Variants in RMND1 observed in about 807,000 individuals in gnomAD.
The protein encoded by RMND1 is required for meiotic nuclear division 1 homolog.
A neutral mutation model predicts 54.0 loss-of-function variants in RMND1; 41 were observed. That is an observed-to-expected ratio of 0.76 (90% CI 0.59 to 0.98). RMND1 has a LOEUF of 0.98. Among genes scored for constraint, RMND1 ranks in the 50% least tolerant of loss-of-function variants. RMND1 has a pLI of 0.00. For missense variants in RMND1, 457 were observed against 532.0 expected (o/e 0.86, Z 1.39); for synonymous variants, 183 against 181.7 (o/e 1.01, Z -0.06).
intron 10 of RMND1, among the ~76,000 whole-genome samples, chr6:151,410,448 T>C (rs1441111821): frequency 6.6e-6 from 1 of 152,168 alleles, no homozygotes; most frequent in Non-Finnish European, 1.5e-5. Flanking sequence ...GCCAGCACTA[T>C]GCTGAGCCTA....
In RMND1 at chr6:151,422,565, A is replaced by G. The variant is rs2114937296; in HGVS notation, c.978T>C (p.Ile326=). ...CCTCAGGAATTGACTGAATAGATTC[A>G]ATAAATTTATCCAGTGATGCTTCCC... ...AIWEASLDKF[I]ESIQSIPEAL... is the part of the protein sequence containing the mutation. Residue 326 remains isoleucine, a synonymous_variant, in exon 8 of 12, where the codon ATT becomes ATC. Transcript: ENST00000444024. 1.3e-6 allele frequency: 2 copies of G among 1,541,400 alleles called. No individual in the cohort carries two copies. The highest frequency in any genetic ancestry group is 2.3e-5 in the East Asian group (1 of 43,220).
chr6:151,444,552 A>C (rs954712210), intron 2 of RMND1: 1 of 152,208 alleles, frequency 6.6e-6, no homozygotes, highest in African/African-American at 2.4e-5. Flanking sequence ...TCAAGACTTG[A>C]AGACAGACAT....
chr6:151,428,812 G>GGA (rs1780376128), intron 5 of RMND1, among the ~76,000 whole-genome samples: 1 of 152,066 alleles, frequency 6.6e-6, no homozygotes, highest in Non-Finnish European at 1.5e-5. Context: ...ACGATTACAG[G>GGA]TATGAGTTAC....
rs188919776 is a variant in RMND1 at position 151,435,589 on chromosome 6, T to A, written c.613+857A>T. ...CTAATCGTTTTATTATTATTATTAT[T>A]TGTATTTTTAGTAGAGACAGGGGTT... On this transcript the variant is annotated intron_variant, in intron 3 of 11. Transcript: ENST00000444024. Among the ~76,000 whole-genome samples the A allele has an allele frequency of 2.7e-3, 410 of 151,760 alleles. 2 individuals are homozygous for A. The highest frequency in any genetic ancestry group is 9.4e-3 in the African/African-American group (389 of 41,444).
In RMND1 at chr6:151,405,129, G is replaced by A. The variant is rs1562778965; in HGVS notation, c.*106C>T. The A allele has an allele frequency of 6.1e-6, 6 of 983,258 alleles. No homozygotes were observed. The highest frequency in any genetic ancestry group is 9.5e-6 in the Non-Finnish European group (6 of 631,402). The allele number at this position is 983,258 out of a possible 1,614,324, so 60.9% of individuals were successfully genotyped here. A position where few individuals can be genotyped will look rare whatever the true frequency, so the allele number is the denominator to read the frequency against. On this transcript the variant is annotated 3_prime_UTR_variant, in exon 12 of 12. Coordinates refer to ENST00000444024, the MANE Select transcript of RMND1 (RefSeq NM_017909.4). ...TCTCAAGCCACCCTTCTTGGCCTCC[G>A]AAAGTGCTGGGATTACAGGCATGAG...
chr6:151,418,885 C>T (rs535329607), intron 9 of RMND1, among the ~76,000 whole-genome samples: 345 of 152,154 alleles, frequency 2.3e-3, no homozygotes, highest in Admixed American at 4.1e-3. Context: ...ATTCTCCTGC[C>T]TCAGCCTCCC....
At chr6:151,436,747 A>G in intron 2 of RMND1, 193 bp from the exon 3 acceptor site, 1 of 482,726 alleles carries the variant, frequency 2.1e-6, no homozygotes, top group Non-Finnish European at 3.7e-6. Flanking sequence ...TTTCAGCTCA[A>G]TCTTGAAAAG....
chr6:151,405,245 A>C lies in RMND1; in HGVS notation c.1340T>G (p.Val447Gly). ...TTGGTTATCACTTGATCAGAAAAAT[A>C]CTCGTCCCAGCTCAAACATTACCTT... The part of the protein sequence containing the change: ...TIEVMFELGR[V>G]FF The change falls in exon 12 of 12, where the codon GTA becomes GGA. Residue 447 changes from valine to glycine, a missense_variant. Val to Gly is a moderately radical substitution (Grantham distance 109). Coordinates refer to ENST00000444024, the MANE Select transcript of RMND1 (RefSeq NM_017909.4). 1 of 1,612,914 alleles carries C rather than the reference A, an allele frequency of 6.2e-7. No individual in the cohort carries two copies. Among genetic ancestry groups the C allele is most frequent in the Non-Finnish European group, 8.5e-7 (1 of 1,179,036 alleles).
Position 151,436,479 on chromosome 6 carries a change from G to A in RMND1, c.580C>T (p.His194Tyr), listed in dbSNP as rs1280090348. ...AAGCTTGTTACTTCAACATATCCGTGGGAGGCCAGATCTTGAGACAGATTT... is the reference window on the plus strand; with the variant it reads ...AAGCTTGTTACTTCAACATATCCGTAGGAGGCCAGATCTTGAGACAGATTT... ...LGNLSQDLAS[H>Y]GYVEVTSLPR... Residue 194 changes from histidine to tyrosine, a missense_variant, in exon 3 of 12, where the codon CAC becomes TAC. Transcript: ENST00000444024. 3.7e-6 allele frequency: 6 copies of A among 1,613,956 alleles called. No individual in the cohort carries two copies. Among genetic ancestry groups the A allele is most frequent in the Non-Finnish European group, 5.1e-6 (6 of 1,179,846 alleles).
chr6:151,450,181 C>T (rs1228892281), intron 1 of RMND1, among the ~76,000 whole-genome samples: 4 of 149,538 alleles, frequency 2.7e-5, no homozygotes, highest in African/African-American at 7.4e-5. Context: ...TCTTCCCGGC[C>T]GCCATCCCAT....
In RMND1 at chr6:151,445,368, T is replaced by C. The variant is rs1780922526; in HGVS notation, c.444A>G (p.Leu148=). The C allele has an allele frequency of 1.9e-6, 3 of 1,614,012 alleles. No individual in the cohort carries two copies. Among genetic ancestry groups the C allele is most frequent in the Non-Finnish European group, 2.5e-6 (3 of 1,179,868 alleles). The stretch of plus-strand genomic sequence containing the variant: ...ATGGCTGTCTGGTCCTGGATGCTTT[T>C]AGTGGTCTCTTCACCTGTGGGAAGT... ...KQDFPQVKRP[L]KASRTRQPSR... is the part of the protein sequence containing the mutation. The change falls in exon 2 of 12, where the codon CTA becomes CTG. Residue 148 remains leucine (L), a synonymous_variant. Coordinates refer to ENST00000444024, the MANE Select transcript of RMND1 (RefSeq NM_017909.4).
At chr6:151,422,513 T>G in intron 8 of RMND1, 28 bp downstream of exon 8, 1 of 1,131,190 alleles carries the variant, frequency 8.8e-7, no homozygotes, top group Non-Finnish European at 1.3e-6. Context: ...AATCAATCCT[T>G]GAATAAGCAT....
intron 4 of RMND1, among the ~76,000 whole-genome samples, chr6:151,431,849 A>G (rs1392801991): frequency 2.6e-5 from 4 of 152,052 alleles, no homozygotes; most frequent in Non-Finnish European, 2.9e-5. Context: ...GTTGTTCAAA[A>G]TTAATTTTAT....
At chr6:151,450,596 C>CCAGCCGCCCCGT (rs1781137174) in intron 1 of RMND1, among the ~76,000 whole-genome samples, 1 of 146,318 alleles carries the variant, frequency 6.8e-6, no homozygotes. Context: ...CAGCCCCCCG[C>CCAGCCGCCCCGT]CCGGCCAGCC....
rs1779557239 is a variant in RMND1, at chr6:151,404,965, T to G, written c.*270A>C. Reference sequence around the variant, plus strand: ...CTCACTGCAACCTCCGCCTCCCAAGTTCAAGAGATTCTCCTGCCTCAGCCT... The same window carrying G: ...CTCACTGCAACCTCCGCCTCCCAAGGTCAAGAGATTCTCCTGCCTCAGCCT... On this transcript the variant is annotated 3_prime_UTR_variant, in exon 12 of 12. Coordinates refer to ENST00000444024, the MANE Select transcript of RMND1 (RefSeq NM_017909.4). The G allele has an allele frequency of 1.4e-5, 5 of 352,792 alleles. 1 individual carries two copies. The South Asian group carries it at 1.7e-4, about 12-fold the overall frequency. 21.9% of individuals were successfully genotyped at this position (352,792 alleles called of 1,614,324 possible).
intron 7 of RMND1, 67 bp from the exon 8 acceptor site, chr6:151,422,672 T>C (rs1780186431): frequency 1.5e-6 from 1 of 670,098 alleles, no homozygotes; most frequent in Non-Finnish European, 2.5e-6. Context: ...AAATACATAA[T>C]TGCACAGCAT....
chr6:151,450,504 C>G (rs1430805976), intron 1 of RMND1, among the ~76,000 whole-genome samples: 1 of 139,880 alleles, frequency 7.1e-6, no homozygotes, highest in Non-Finnish European at 1.5e-5. Flanking sequence ...CCCCGCCCGG[C>G]CAGCCGCCCC....
rs778070352 is a variant in RMND1, at chr6:151,405,279, AAGTG to A, written c.1318-16_1318-13del. The A allele has an allele frequency of 7.9e-5, 128 of 1,611,552 alleles. No individual in the cohort carries two copies. The highest frequency in any genetic ancestry group is 1.8e-4 in the East Asian group (8 of 44,826). On this transcript the variant is annotated splice_polypyrimidine_tract_variant and intron_variant, in intron 11 of 11. Coordinates refer to ENST00000444024, the MANE Select transcript of RMND1 (RefSeq NM_017909.4). ...AGCTCAAACATTACCTTAGAATAGA[AAGTG>A]AGAATTATTTCATGACGGGCAAATT...
Position 151,430,165 on chromosome 6 carries a change from A to T in RMND1, c.702T>A (p.Ala234=), listed in dbSNP as rs371485156. The change falls in exon 5 of 12, where the codon GCT becomes GCA. Residue 234 remains alanine, a synonymous_variant. Transcript: ENST00000444024. ...TTTTGTCTTTCACATTCCAAAACAC[A>T]GCAGCTCCTTCCCTGATTTAAAAAA... ...GTIFFFREGA[A]VFWNVKDKTM... 9 of 1,601,632 alleles carry T rather than the reference A, an allele frequency of 5.6e-6. No homozygotes were observed. The highest frequency in any genetic ancestry group is 1.7e-4 in the Middle Eastern group (1 of 6,048).
Sources: allele counts gnomAD v4.1 joint callset (sites outside exome capture counted in the v4.1 genomes callset), GRCh38; gene constraint gnomAD v4.1.1; transcripts MANE v1.5; gene names NCBI Gene and HGNC (gene_info 2026-07-23, HGNC 2026-07-21).